Variants in SCFD2 observed in about 807,000 individuals in gnomAD.
The protein encoded by SCFD2 is sec1 family domain-containing protein 2.
Under a neutral mutation model 58.9 loss-of-function variants are expected in SCFD2, and 54 were observed. The ratio of observed to expected loss-of-function variants is 0.92; its 90% CI spans 0.74 to 1.15. The LOEUF (loss-of-function observed/expected upper bound fraction) is 1.15. Among genes scored for constraint, SCFD2 ranks in the 50% most tolerant of loss-of-function variants. The pLI, the probability that SCFD2 is intolerant of heterozygous loss-of-function variation, is 0.00. For missense variants in SCFD2, 805 were observed against 836.6 expected, an observed-to-expected ratio of 0.96 and a Z score of 0.47; for synonymous variants, 321 against 335.9, an observed-to-expected ratio of 0.96 and a Z score of 0.49.
At chr4:53,125,274 A>G (rs1284178206) in intron 5 of SCFD2, among the ~76,000 whole-genome samples, 1 of 152,248 alleles carries the variant, frequency 6.6e-6, no homozygotes, top group Non-Finnish European at 1.5e-5. Context: ...AAAATAACTT[A>G]TGATAGAGAT....
chr4:53,146,158 G>A (rs1363944535), intron 4 of SCFD2, among the ~76,000 whole-genome samples: 3 of 152,096 alleles, frequency 2.0e-5, no homozygotes, highest in African/African-American at 7.2e-5. Context: ...AAATTTCTTT[G>A]AGTGAGTCAG....
intron 4 of SCFD2, among the ~76,000 whole-genome samples, chr4:53,163,304 T>C (rs1726909528): frequency 6.6e-6 from 1 of 152,184 alleles, no homozygotes; most frequent in South Asian, 2.1e-4. Context: ...TTTAGGGGTT[T>C]CTATTTTCCT....
intron 4 of SCFD2, among the ~76,000 whole-genome samples, chr4:53,202,020 T>C (rs1728257858): frequency 6.6e-6 from 1 of 152,226 alleles, no homozygotes; most frequent in Non-Finnish European, 1.5e-5. Flanking sequence ...GCAGAAGCTC[T>C]TTAGTTTAAT....
intron 2 of SCFD2, among the ~76,000 whole-genome samples, chr4:53,320,557 C>T (rs1438387508): frequency 1.3e-5 from 2 of 152,152 alleles, no homozygotes; most frequent in Admixed American, 6.5e-5. Context: ...GTGGAAGTTG[C>T]AGTGAGTTGA....
At chr4:53,344,159 GTC>G (rs1419415762) in intron 2 of SCFD2, among the ~76,000 whole-genome samples, 1 of 151,696 alleles carries the variant, frequency 6.6e-6, no homozygotes, top group African/African-American at 2.4e-5. Context: ...AAGTCAAATT[GTC>G]TCTGTTTGCA....
At chr4:53,306,104 C>G (rs1732504727) in intron 3 of SCFD2, among the ~76,000 whole-genome samples, 1 of 152,134 alleles carries the variant, frequency 6.6e-6, no homozygotes, top group Non-Finnish European at 1.5e-5. Flanking sequence ...ATAGTACAAA[C>G]AAAGAGATGA....
chr4:53,019,385 T>C (rs1372587999), intron 5 of SCFD2, among the ~76,000 whole-genome samples: 4 of 152,234 alleles, frequency 2.6e-5, no homozygotes, highest in East Asian at 1.9e-4. Flanking sequence ...TATATGTATA[T>C]GCTTATGAAT....
chr4:53,169,768 G>C (rs73143480), intron 4 of SCFD2, among the ~76,000 whole-genome samples: 5,394 of 152,000 alleles, frequency 0.035, 331 homozygotes, highest in African/African-American at 0.12. Flanking sequence ...GTTTTAACTT[G>C]TTTTCCTAAT....
intron 5 of SCFD2, among the ~76,000 whole-genome samples, chr4:53,050,232 T>C (rs537434979): frequency 2.0e-5 from 3 of 152,310 alleles, no homozygotes; most frequent in African/African-American, 7.2e-5. Context: ...TACCAGGATA[T>C]CTTATTCCCC....
chr4:53,208,172 T>C (rs1378489616), intron 4 of SCFD2, among the ~76,000 whole-genome samples: 3 of 151,758 alleles, frequency 2.0e-5, no homozygotes, highest in African/African-American at 7.3e-5. Context: ...GAGACAGCGT[T>C]TGCCATATTT....
Position 52,918,635 on chromosome 4 carries a change from T to C in SCFD2, c.1707+2090A>G, listed in dbSNP as rs144799887. ...TACCCATCCACCATAAGGTAACCAT[T>C]ATAAATTTTTCCTAAATTTTAAAGA... On this transcript the variant is annotated intron_variant, in intron 6 of 8. Coordinates refer to ENST00000401642, the MANE Select transcript of SCFD2 (RefSeq NM_152540.4). Among the ~76,000 whole-genome samples, 325 of 152,292 alleles carry C rather than the reference T, an allele frequency of 2.1e-3. 2 individuals carry two copies. The highest frequency in any genetic ancestry group is 7.6e-3 in the African/African-American group (315 of 41,562).
At chr4:53,176,934 G>C (rs1418870815) in intron 4 of SCFD2, among the ~76,000 whole-genome samples, 1 of 127,304 alleles carries the variant, frequency 7.9e-6, no homozygotes, top group Non-Finnish European at 1.6e-5. Context: ...GGAAAACAGA[G>C]TGACAACAAT....
chr4:53,212,405 C>T (rs1362013133), intron 4 of SCFD2, among the ~76,000 whole-genome samples: 2 of 151,786 alleles, frequency 1.3e-5, no homozygotes, highest in Admixed American at 1.3e-4. Flanking sequence ...TTGTCCATGT[C>T]ACTTCCCAAA....
chr4:53,289,746 C>A (rs894317097), intron 3 of SCFD2, among the ~76,000 whole-genome samples: 1 of 152,058 alleles, frequency 6.6e-6, no homozygotes, highest in African/African-American at 2.4e-5. Flanking sequence ...CCCATTTTAG[C>A]TTTAAGGACA....
At chr4:53,144,004 TA>T (rs756710387) in intron 5 of SCFD2, among the ~76,000 whole-genome samples, 63 of 152,308 alleles carry the variant, frequency 4.1e-4, no homozygotes, top group Non-Finnish European at 7.1e-4. Flanking sequence ...TCATGAGTTA[TA>T]TTGCAGTTAT....
Position 53,131,795 on chromosome 4 carries a change from T to A in SCFD2, c.1561+13538A>T, listed in dbSNP as rs1225930588. On this transcript the variant is annotated intron_variant, in intron 5 of 8. Coordinates refer to ENST00000401642, the MANE Select transcript of SCFD2 (RefSeq NM_152540.4). ...TCCAATTTGATCCATAGCTTTGTGT[T>A]CAAGAAAACTACTCTTGTGTTCCAT... 2.6e-5 allele frequency among the ~76,000 whole-genome samples: 4 copies of A among 152,368 alleles called. No individual in the cohort carries two copies. In the East Asian group the frequency reaches 7.7e-4, roughly 29 times the overall value.
intron 5 of SCFD2, among the ~76,000 whole-genome samples, chr4:53,101,278 T>C (rs992598555): frequency 6.6e-6 from 1 of 152,118 alleles, no homozygotes; most frequent in South Asian, 2.1e-4. Context: ...GCTAAGGAGA[T>C]TGGGGCTTCT....
At position 52,946,456 on chromosome 4, in the gene SCFD2, A is replaced by G. The variant is rs970660414; in HGVS notation, c.1562-25586T>C. Among the ~76,000 whole-genome samples, 64 of 152,184 alleles carry G rather than the reference A, an allele frequency of 4.2e-4. 1 individual carries two copies. The highest frequency in any genetic ancestry group is 6.8e-4 in the African/African-American group (28 of 41,458). On this transcript the variant is annotated intron_variant, in intron 5 of 8. Coordinates refer to ENST00000401642, the MANE Select transcript of SCFD2 (RefSeq NM_152540.4). The stretch of plus-strand genomic sequence containing the variant: ...GGAATATTTGCCCTTTACTTCTAAA[A>G]AAAAAATTTGATGAAAATACCTAAA...
At chr4:52,897,236 G>C (rs1326035883) in intron 7 of SCFD2, among the ~76,000 whole-genome samples, 2 of 152,178 alleles carry the variant, frequency 1.3e-5, no homozygotes, top group African/African-American at 4.8e-5. Flanking sequence ...TCTTGTGCCA[G>C]TTTTCAAAGG....
Sources: allele counts gnomAD v4.1 joint callset (sites outside exome capture counted in the v4.1 genomes callset), GRCh38; gene constraint gnomAD v4.1.1; transcripts MANE v1.5; gene names NCBI Gene and HGNC (gene_info 2026-07-23, HGNC 2026-07-21).